The following SDK1 variants were observed in gnomAD, a reference collection of about 807,000 sequenced individuals.
SDK1 encodes protein sidekick-1.
SDK1 carries 157 observed loss-of-function variants against 245.5 expected under a neutral mutation model. The ratio of observed to expected loss-of-function variants is 0.64; its 90% confidence interval spans 0.56 to 0.73. SDK1 has a LOEUF of 0.73. Ranked by LOEUF, SDK1 falls within the 30% of genes least tolerant of loss-of-function variation. The probability of loss-of-function intolerance (pLI) is 0.00; values close to 1 mark genes in which losing one functional copy is unlikely to be tolerated. For synonymous variants in SDK1, 1,647 were observed against 1,278.5 expected, an observed-to-expected ratio of 1.29 and a Z score of -6.15; for missense variants, 3,583 against 3,002.3, an observed-to-expected ratio of 1.19 and a Z score of -4.52.
chr7:4,117,052 T>A (rs533340914), intron 25 of SDK1, among the ~76,000 whole-genome samples: 1 of 152,218 alleles, frequency 6.6e-6, no homozygotes, highest in Admixed American at 6.5e-5. Context: ...AGGAGAGAAC[T>A]TGAGAAGTTC....
chr7:3,776,371 A>G (rs753176723), intron 4 of SDK1, among the ~76,000 whole-genome samples: 25 of 152,198 alleles, frequency 1.6e-4, no homozygotes, highest in Admixed American at 8.5e-4. Flanking sequence ...GTGAAAATCT[A>G]TTCTGTCAGA....
At chr7:4,069,345 T>C (rs939128857) in intron 20 of SDK1, among the ~76,000 whole-genome samples, 1 of 152,262 alleles carries the variant, frequency 6.6e-6, no homozygotes, top group African/African-American at 2.4e-5. Flanking sequence ...GCAAGCCACT[T>C]AATCTTCTTC....
chr7:4,023,781 T>C (rs1039241016), intron 17 of SDK1, among the ~76,000 whole-genome samples: 2 of 152,342 alleles, frequency 1.3e-5, no homozygotes, highest in South Asian at 4.1e-4. Flanking sequence ...ATTCAGTTTT[T>C]GTTAGAAATT....
chr7:3,946,881 A>G (rs1008547643), intron 5 of SDK1, among the ~76,000 whole-genome samples: 1 of 152,210 alleles, frequency 6.6e-6, no homozygotes, highest in Non-Finnish European at 1.5e-5. Flanking sequence ...AAAAGGCTAT[A>G]AACAGAATGC....
chr7:3,833,723 TC>T (rs1335655015), intron 5 of SDK1, among the ~76,000 whole-genome samples: 3 of 152,214 alleles, frequency 2.0e-5, no homozygotes, highest in Admixed American at 6.5e-5. Context: ...AATGGTACCA[TC>T]ATATTTGAAA....
intron 1 of SDK1, among the ~76,000 whole-genome samples, chr7:3,618,480 C>T (rs1781837259): frequency 6.6e-6 from 1 of 152,090 alleles, no homozygotes; most frequent in African/African-American, 2.4e-5. Flanking sequence ...ACCTGTGTTG[C>T]TATGTGTAGC....
intron 1 of SDK1, among the ~76,000 whole-genome samples, chr7:3,548,174 A>C (rs1779289186): frequency 6.6e-6 from 1 of 152,228 alleles, no homozygotes; most frequent in African/African-American, 2.4e-5. Flanking sequence ...TAGAGATTCA[A>C]GTATATATGA....
At position 4,079,166 on chromosome 7, in the gene SDK1, C is replaced by T. The variant is rs62439622; in HGVS notation, c.3203-297C>T. ...TCAGCCAGCATCTGTTAATTACCTA[C>T]GAAGTACAGAGATGCGTAAGACATG... On this transcript the variant is annotated intron_variant, in intron 21 of 44. Transcript: ENST00000404826. Among the ~76,000 whole-genome samples the T allele has an allele frequency of 3.3e-3, 502 of 152,306 alleles. 2 individuals are homozygous for T. The highest frequency in any genetic ancestry group is 0.017 in the Middle Eastern group (5 of 294).
At chr7:3,502,118 C>G (rs191549822) in intron 1 of SDK1, among the ~76,000 whole-genome samples, 1 of 151,872 alleles carries the variant, frequency 6.6e-6, no homozygotes, top group Non-Finnish European at 1.5e-5. Flanking sequence ...ATTAGACAAA[C>G]GTGTGAGTTA....
chr7:3,637,853 T>C (rs1029675205), intron 2 of SDK1, among the ~76,000 whole-genome samples: 5 of 152,224 alleles, frequency 3.3e-5, no homozygotes, highest in African/African-American at 1.2e-4. Context: ...GATGTCCACA[T>C]TGGTGACTGG....
chr7:3,747,248 T>C (rs1213690102), intron 4 of SDK1, among the ~76,000 whole-genome samples: 1 of 152,222 alleles, frequency 6.6e-6, no homozygotes, highest in African/African-American at 2.4e-5. Context: ...TAATTAGAAA[T>C]GTATTTTATA....
intron 1 of SDK1, among the ~76,000 whole-genome samples, chr7:3,414,291 T>C (rs1417287027): frequency 6.6e-6 from 1 of 152,020 alleles, no homozygotes; most frequent in Non-Finnish European, 1.5e-5. Flanking sequence ...ACGAGTGGCC[T>C]GGAGAATGTG....
intron 2 of SDK1, among the ~76,000 whole-genome samples, chr7:3,623,953 GA>G (rs1165043253): frequency 6.6e-6 from 1 of 152,142 alleles, no homozygotes; most frequent in Non-Finnish European, 1.5e-5. Context: ...ATGGTTAAGG[GA>G]AAGGTTATTT....
intron 2 of SDK1, among the ~76,000 whole-genome samples, chr7:3,626,818 C>CT (rs1782137306): frequency 6.6e-6 from 1 of 152,124 alleles, no homozygotes; most frequent in Non-Finnish European, 1.5e-5. Flanking sequence ...TATAGGAAAT[C>CT]TCCCCCACTG....
At chr7:3,668,671 A>G (rs1783607706) in intron 4 of SDK1, among the ~76,000 whole-genome samples, 1 of 152,164 alleles carries the variant, frequency 6.6e-6, no homozygotes, top group Non-Finnish European at 1.5e-5. Context: ...TGCACCTGTA[A>G]TCCCACCTAC....
At chr7:3,684,436 C>G (rs566644853) in intron 4 of SDK1, among the ~76,000 whole-genome samples, 22 of 152,148 alleles carry the variant, frequency 1.4e-4, no homozygotes, top group African/African-American at 4.8e-4. Flanking sequence ...TCCCTTTTGC[C>G]ATGATAGTGT....
intron 1 of SDK1, among the ~76,000 whole-genome samples, chr7:3,509,082 G>C (rs1325024002): frequency 7.2e-6 from 1 of 139,224 alleles, no homozygotes; most frequent in Admixed American, 7.4e-5. Flanking sequence ...GTGTGTGTGT[G>C]TGCGTGTGTG....
chr7:3,586,471 G>C (rs545644141), intron 1 of SDK1, among the ~76,000 whole-genome samples: 1 of 151,948 alleles, frequency 6.6e-6, no homozygotes, highest in South Asian at 2.1e-4. Flanking sequence ...GCCGAGGTGG[G>C]TGGATCACGA....
At chr7:3,405,946 G>A (rs6969455) in intron 1 of SDK1, among the ~76,000 whole-genome samples, 15,093 of 151,644 alleles carry the variant, frequency 0.1, 945 homozygotes, top group African/African-American at 0.17. Context: ...CTGAGTAGGT[G>A]GGATTACAGG....
Sources: allele counts gnomAD v4.1 joint callset (sites outside exome capture counted in the v4.1 genomes callset), GRCh38; gene constraint gnomAD v4.1.1; transcripts MANE v1.5; gene names NCBI Gene and HGNC (gene_info 2026-07-23, HGNC 2026-07-21).